PRKX: variants seen among roughly 807,000 people sequenced by gnomAD.
PRKX encodes the protein protein kinase cAMP-dependent X-linked catalytic subunit.
In PRKX, 12 loss-of-function variants were observed where a neutral mutation model predicts 22.0. The ratio of observed to expected loss-of-function variants is 0.54; its 90% CI spans 0.35 to 0.88. The LOEUF (loss-of-function observed/expected upper bound fraction) is 0.88, where lower values mean the gene tolerates loss of function less well. Among genes scored for constraint, PRKX ranks in the 40% least tolerant of loss-of-function variants. The probability of loss-of-function intolerance (pLI) is 0.01; values close to 1 mark genes in which losing one functional copy is unlikely to be tolerated. For synonymous variants in PRKX, 134 were observed against 137.7 expected, an observed-to-expected ratio of 0.97 and a Z score of 0.19; for missense variants, 217 against 308.0, an observed-to-expected ratio of 0.70 and a Z score of 2.21.
At chrX:3,661,939 A>G (rs1943399103) in intron 2 of PRKX, among the ~76,000 whole-genome samples, 1 of 112,254 alleles carries the variant, frequency 8.9e-6, no homozygotes. Flanking sequence ...AAGATCTAAC[A>G]CTTACTGTAC....
At chrX:3,658,516 G>A (rs1408882928) in intron 2 of PRKX, among the ~76,000 whole-genome samples, 1 of 110,929 alleles carries the variant, frequency 9.0e-6, no homozygotes, top group African/African-American at 3.3e-5. Flanking sequence ...TTGAACTCCA[G>A]GGCTCCAGCA....
chrX:3,685,819 G>A (rs1334325697), intron 1 of PRKX, among the ~76,000 whole-genome samples: 2 of 111,983 alleles, frequency 1.8e-5, no homozygotes, highest in Admixed American at 9.5e-5. Flanking sequence ...GCCAAGGCAG[G>A]TGGATCACTG....
At chrX:3,683,274 G>A (rs1273288428) in intron 1 of PRKX, among the ~76,000 whole-genome samples, 2 of 111,809 alleles carry the variant, frequency 1.8e-5, no homozygotes, top group Non-Finnish European at 3.8e-5. Context: ...GCAATGCTGC[G>A]AGCTCACAGT....
At chrX:3,612,725 C>T (rs1926323847) in intron 7 of PRKX, among the ~76,000 whole-genome samples, 1 of 110,517 alleles carries the variant, frequency 9.0e-6, no homozygotes, top group Non-Finnish European at 1.9e-5. Flanking sequence ...GGTCGATACT[C>T]CAAGTGAGCC....
chrX:3,650,938 C>T (rs780251408), intron 3 of PRKX, among the ~76,000 whole-genome samples: 3 of 105,857 alleles, frequency 2.8e-5, no homozygotes, highest in African/African-American at 1.0e-4. Flanking sequence ...TGTTTAGTTC[C>T]ATCTATTCTG....
At chrX:3,670,972 T>C (rs1410707608) in intron 2 of PRKX, among the ~76,000 whole-genome samples, 25 of 112,253 alleles carry the variant, frequency 2.2e-4, no homozygotes, top group Non-Finnish European at 1.3e-4. Context: ...AGCTGTGGAC[T>C]TCAGGGCCTG....
chrX:3,614,219 C>T (rs751402185), intron 7 of PRKX, among the ~76,000 whole-genome samples: 1 of 112,242 alleles, frequency 8.9e-6, no homozygotes, highest in African/African-American at 3.2e-5. Context: ...TAAGCCAGGC[C>T]GGGTGCAGCG....
At chrX:3,656,646 T>C (rs1927487084) in intron 2 of PRKX, among the ~76,000 whole-genome samples, 1 of 111,198 alleles carries the variant, frequency 9.0e-6, no homozygotes, top group African/African-American at 3.3e-5. Flanking sequence ...TATAGAAAGG[T>C]GTAATTCATC....
chrX:3,655,449 A>C, intron 2 of PRKX, 37 bp from the exon 3 acceptor site: 1 of 1,208,292 alleles, frequency 8.3e-7, no homozygotes, highest in Non-Finnish European at 1.1e-6. Flanking sequence ...GGGCCCCGCC[A>C]AGGCAGGGCA....
chrX:3,699,565 G>A, intron 1 of PRKX, among the ~76,000 whole-genome samples: 1 of 110,922 alleles, frequency 9.0e-6, no homozygotes, highest in Non-Finnish European at 1.9e-5. Flanking sequence ...TTATGGCCAG[G>A]ATGGTCTCAA....
intron 1 of PRKX, among the ~76,000 whole-genome samples, chrX:3,709,132 C>T (rs1319143076): frequency 3.1e-5 from 3 of 97,603 alleles, no homozygotes; most frequent in Admixed American, 1.2e-4. Context: ...TGGAGTGAGC[C>T]GAGATCGCAC....
chrX:3,650,959 C>G (rs1420281113), intron 3 of PRKX, among the ~76,000 whole-genome samples: 3 of 108,380 alleles, frequency 2.8e-5, no homozygotes, highest in African/African-American at 1.0e-4. Flanking sequence ...TAGTGGTCCA[C>G]GATACAGTGG....
intron 3 of PRKX, among the ~76,000 whole-genome samples, chrX:3,644,459 C>T (rs1927149974): frequency 9.9e-6 from 1 of 100,538 alleles, no homozygotes; most frequent in South Asian, 4.5e-4. Context: ...AATCAGGAAA[C>T]CAGGAAAGAA....
Position 3,608,496 on chromosome X carries a change from G to C in PRKX, c.*473C>G, listed in dbSNP as rs111589474. 9.4e-6 allele frequency: 1 copy of C among 106,870 alleles called. No homozygotes were observed. Among genetic ancestry groups the C allele is most frequent in the Non-Finnish European group, 1.9e-5 (1 of 52,035 alleles). 8.8% of individuals were successfully genotyped at this position (106,870 alleles called of 1,213,427 possible). A position where few individuals can be genotyped will look rare whatever the true frequency, so the allele number is the denominator to read the frequency against. On this transcript the variant is annotated 3_prime_UTR_variant, in exon 9 of 9. Coordinates refer to ENST00000262848, the MANE Select transcript of PRKX (RefSeq NM_005044.5). ...AACAAATTGAAAAATAAAAATTATA[G>C]GCTCTGTAAAGTATGAACATTTACA...
rs756075852 is a variant in PRKX at position 3,612,231 on chromosome X, T to C, written c.1046A>G (p.Gln349Arg). The C allele has an allele frequency of 2.5e-6, 3 of 1,207,549 alleles. No homozygotes were observed. In the African/African-American group the frequency reaches 5.3e-5, roughly 21 times the overall value. Residue 349 changes from glutamine (Q) to arginine (R), a missense_variant, in exon 8 of 9, where the codon CAG becomes CGG. Transcript: ENST00000262848. ...NDWDTAAPVP[Q>R]KDLEIFKNF ...ATTCTTGAAGATTTCTAAATCCTTC[T>C]GCGGCACGGGCGCGGCTGTGTCCCA...
Position 3,615,854 on chromosome X carries a change from G to A in PRKX, c.912C>T (p.Arg304=), listed in dbSNP as rs374111523. The A allele has an allele frequency of 1.2e-5, 14 of 1,206,250 alleles. No homozygotes were observed. Among genetic ancestry groups the A allele is most frequent in the African/African-American group, 1.7e-5 (1 of 57,181 alleles). The change falls in exon 7 of 9, where the codon CGC becomes CGT. Residue 304 remains arginine (R), a synonymous_variant. Transcript: ENST00000262848. Reference sequence around the variant, plus strand: ...GCGGAACAGCTTCCCAGTCCACGGAGCGGAACCACCGATGATGCTTCACAT... The same window carrying A: ...GCGGAACAGCTTCCCAGTCCACGGAACGGAACCACCGATGATGCTTCACAT... The part of the protein sequence containing the change: ...ANDVKHHRWF[R]SVDWEAVPQR...
chrX:3,612,339 C>T lies in PRKX; in HGVS notation c.952-14G>A. On this transcript the variant is annotated splice_polypyrimidine_tract_variant and intron_variant, in intron 7 of 8. Transcript: ENST00000262848. The stretch of plus-strand genomic sequence containing the variant: ...CACGATGGGAGGCTGTGAGACATGG[C>T]CGAAGCACAAAGGCATGGTTAGAAA... The T allele has an allele frequency of 8.3e-7, 1 of 1,204,521 alleles. No homozygotes were observed. The highest frequency in any genetic ancestry group is 2.3e-4 in the Middle Eastern group (1 of 4,316).
chrX:3,677,888 TA>T (rs1340127620), intron 1 of PRKX, among the ~76,000 whole-genome samples: 2 of 112,246 alleles, frequency 1.8e-5, no homozygotes, highest in East Asian at 2.8e-4. Context: ...AATATTTCTT[TA>T]AAAAAAGTAA....
chrX:3,665,090 G>A (rs770383243), intron 2 of PRKX, among the ~76,000 whole-genome samples: 4 of 112,140 alleles, frequency 3.6e-5, no homozygotes, highest in East Asian at 2.8e-4. Flanking sequence ...CACGGGGCGC[G>A]CGCGTGTGTG....
Sources: allele counts gnomAD v4.1 joint callset (sites outside exome capture counted in the v4.1 genomes callset), GRCh38; gene constraint gnomAD v4.1.1; transcripts MANE v1.5; gene names NCBI Gene and HGNC (gene_info 2026-07-23, HGNC 2026-07-21).